Variants in ZNF568 observed in about 807,000 individuals in gnomAD.
The protein encoded by ZNF568 is zinc finger protein 568.
A neutral mutation model predicts 18.1 loss-of-function variants in ZNF568; 11 were observed. The ratio of observed to expected loss-of-function variants is 0.61; its 90% CI spans 0.38 to 1.00. The LOEUF (loss-of-function observed/expected upper bound fraction) is 1.00, where lower values mean the gene tolerates loss of function less well. ZNF568 is among the 50% of genes least tolerant of loss of function. The pLI, the probability that ZNF568 is intolerant of heterozygous loss-of-function variation, is 0.01. For synonymous variants in ZNF568, 213 were observed against 246.6 expected (o/e 0.86, Z 1.28); for missense variants, 639 against 768.2 (o/e 0.83, Z 1.99).
Position 36,952,038 on chromosome 19 carries a change from C to CTTTT in ZNF568, c.*964_*967dup, listed in dbSNP as rs138419937. The CTTTT allele has an allele frequency of 0.2, 160,882 of 810,524 alleles. 5,759 individuals carry two copies. Among genetic ancestry groups the CTTTT allele is most frequent in the African/African-American group, 0.25 (10,866 of 43,404 alleles). 50.2% of individuals were successfully genotyped at this position (810,524 alleles called of 1,614,324 possible). On this transcript the variant is annotated 3_prime_UTR_variant, in exon 7 of 7. Transcript: ENST00000333987. ...TGTCTATGACGTTGAGGCCAAGGAG[C>CTTTT]TTTTTTTTTTTTTTTTTCAAGACAA...
chr19:36,928,566 G>A (rs1431696402), intron 4 of ZNF568, among the ~76,000 whole-genome samples: 1 of 152,090 alleles, frequency 6.6e-6, no homozygotes, highest in Non-Finnish European at 1.5e-5. Context: ...ACATAAGTAA[G>A]GGGAGGGAAA....
exon 5 of ZNF568, chr19:36,996,767 G>A: frequency 1.3e-6 from 2 of 1,547,426 alleles, no homozygotes; most frequent in Non-Finnish European, 1.7e-6. Context: ...CAACCTCAGA[G>A]CATTAATACT....
chr19:36,937,760 A>G (rs886669815), intron 6 of ZNF568, among the ~76,000 whole-genome samples: 4 of 152,164 alleles, frequency 2.6e-5, no homozygotes, highest in Non-Finnish European at 5.9e-5. Flanking sequence ...TAGAAATGTA[A>G]AAGTTTCTGG....
chr19:36,991,710 G>T, intron 3 of ZNF568: 1 of 1,480,500 alleles, frequency 6.8e-7, no homozygotes, highest in South Asian at 1.3e-5. Context: ...TTTTAATTCT[G>T]ACACCCACAA....
chr19:36,990,421 C>A (rs1211158983), intron 2 of ZNF568, among the ~76,000 whole-genome samples: 1 of 152,166 alleles, frequency 6.6e-6, no homozygotes, highest in Non-Finnish European at 1.5e-5. Context: ...TCAAGACCAG[C>A]CTGGCCATCA....
intron 7 of ZNF568, among the ~76,000 whole-genome samples, chr19:36,977,193 C>T (rs1644655): frequency 0.025 from 3,769 of 152,200 alleles, 164 homozygotes; most frequent in African/African-American, 0.085. Context: ...TTTCTTACCA[C>T]AAAAATAGAA....
rs368546516 is a variant in ZNF568, at chr19:36,937,225, T to C, written c.341T>C (p.Phe114Ser). 76 of 1,613,866 alleles carry C rather than the reference T, an allele frequency of 4.7e-5. No individual in the cohort carries two copies. Among genetic ancestry groups the C allele is most frequent in the Non-Finnish European group, 6.4e-5 (76 of 1,179,826 alleles). The change falls in exon 6 of 7, where the codon TTT becomes TCT. Residue 114 changes from phenylalanine (F) to serine (S), a missense_variant. Transcript: ENST00000333987. ...CCCTGGGTGATGGAGGAAGAAATGTTTGGGAGGCACTGTCCAGGTGAATAA... is the reference window on the plus strand; with the variant it reads ...CCCTGGGTGATGGAGGAAGAAATGTCTGGGAGGCACTGTCCAGGTGAATAA... ...EEPWVMEEEM[F>S]GRHCPEVWEV...
intron 2 of ZNF568, among the ~76,000 whole-genome samples, chr19:36,988,160 C>T (rs1312490699): frequency 6.6e-6 from 1 of 151,844 alleles, no homozygotes; most frequent in East Asian, 1.9e-4. Context: ...TGCTATGTTG[C>T]CCAGGCTGGT....
At chr19:36,992,582 T>C (rs1347830666) in intron 4 of ZNF568, among the ~76,000 whole-genome samples, 5 of 152,156 alleles carry the variant, frequency 3.3e-5, no homozygotes, top group Non-Finnish European at 7.4e-5. Context: ...TCCCCCCTCA[T>C]TTCAGAGAGG....
intron 6 of ZNF568, among the ~76,000 whole-genome samples, chr19:36,960,261 G>A (rs2074138680): frequency 6.6e-6 from 1 of 151,390 alleles, no homozygotes; most frequent in African/African-American, 2.4e-5. Context: ...GGGATTACAG[G>A]TGCTCACCAC....
chr19:36,943,532 G>T (rs570170954), intron 6 of ZNF568, among the ~76,000 whole-genome samples: 41 of 152,016 alleles, frequency 2.7e-4, no homozygotes, highest in Middle Eastern at 6.8e-3. Flanking sequence ...TGTAATTTGA[G>T]CATCAGAATA....
At chr19:36,924,743 A>G (rs2073522551) in intron 3 of ZNF568, among the ~76,000 whole-genome samples, 1 of 151,142 alleles carries the variant, frequency 6.6e-6, no homozygotes, top group African/African-American at 2.4e-5. Flanking sequence ...AGGCAGGAGA[A>G]TCGCTTGAAC....
chr19:36,974,903 T>A (rs1199321191), intron 7 of ZNF568, among the ~76,000 whole-genome samples: 4 of 149,604 alleles, frequency 2.7e-5, no homozygotes, highest in Non-Finnish European at 4.4e-5. Context: ...CTCAGCTCAC[T>A]GCAACCTCCG....
At position 36,937,220 on chromosome 19, in the gene ZNF568, A is replaced by G. The variant is rs770812050; in HGVS notation, c.336A>G (p.Glu112=). ...QEEEPWVMEE[E]MFGRHCPEVW... is the part of the protein sequence containing the mutation. Reference sequence around the variant, plus strand: ...AGGAGCCCTGGGTGATGGAGGAAGAAATGTTTGGGAGGCACTGTCCAGGTG... The same window carrying G: ...AGGAGCCCTGGGTGATGGAGGAAGAGATGTTTGGGAGGCACTGTCCAGGTG... The change falls in exon 6 of 7, where the codon GAA becomes GAG. Residue 112 remains glutamate, a synonymous_variant. Transcript: ENST00000333987. 1.9e-5 allele frequency: 30 copies of G among 1,613,848 alleles called. No homozygotes were observed. In the East Asian group the frequency reaches 6.0e-4, roughly 32 times the overall value.
chr19:36,957,519 C>T (rs1416765114), downstream of ZNF568, among the ~76,000 whole-genome samples: 5 of 152,200 alleles, frequency 3.3e-5, no homozygotes, highest in Non-Finnish European at 5.9e-5. Flanking sequence ...TAAGCCCACA[C>T]GCCTGGCTCA....
At chr19:36,942,895 G>A (rs2073907319) in intron 6 of ZNF568, among the ~76,000 whole-genome samples, 1 of 151,928 alleles carries the variant, frequency 6.6e-6, no homozygotes, top group Admixed American at 6.6e-5. Flanking sequence ...ATATTTCATT[G>A]TGTCAAGAAT....
chr19:36,973,922 C>A (rs548411768), intron 6 of ZNF568, among the ~76,000 whole-genome samples: 2 of 152,232 alleles, frequency 1.3e-5, no homozygotes, highest in East Asian at 1.9e-4. Context: ...GGTAGTGAAT[C>A]TCTGTGAATG....
At chr19:36,997,372 A>C (rs1194695000), downstream of ZNF568, 1 of 1,593,426 alleles carries the variant, frequency 6.3e-7, no homozygotes, top group Admixed American at 1.7e-5. Context: ...TACTGGTGAA[A>C]AACCCTATGA....
chr19:36,933,924 G>GTTTTTTTTTTTTTTTTTTTTTTTTT (rs140279289), intron 4 of ZNF568, among the ~76,000 whole-genome samples: 38 of 29,870 alleles, frequency 1.3e-3, no homozygotes, highest in Admixed American at 2.2e-3. Context: ...TTGTTTTTTT[G>GTTTTTTTTTTTTTTTTTTTTTTTTT]TTTTTTTTTT....
Sources: gnomAD v4.1 joint callset for allele counts (sites outside exome capture counted in the v4.1 genomes callset) on GRCh38, gnomAD v4.1.1 for gene constraint, MANE v1.5 for transcripts, NCBI Gene and HGNC (gene_info 2026-07-23, HGNC 2026-07-21) for gene names.